KLHL13: variants seen among roughly 807,000 people sequenced by gnomAD.
KLHL13 encodes kelch like family member 13.
In KLHL13, 10 loss-of-function variants were observed where a neutral mutation model predicts 37.1. The ratio of observed to expected loss-of-function variants is 0.27; its 90% CI spans 0.17 to 0.46. The LOEUF (loss-of-function observed/expected upper bound fraction) is 0.46. KLHL13 is among the 20% of genes least tolerant of loss of function. KLHL13 has a pLI of 1.00. For missense variants in KLHL13, 360 were observed against 509.3 expected (o/e 0.71, Z 2.82); for synonymous variants, 163 against 181.2 (o/e 0.90, Z 0.81).
intron 1 of KLHL13, among the ~76,000 whole-genome samples, chrX:118,063,469 C>T (rs187904559): frequency 9.0e-6 from 1 of 111,331 alleles, no homozygotes; most frequent in Non-Finnish European, 1.9e-5. Flanking sequence ...TTCATTTCCC[C>T]TACACTGGGC....
chrX:118,027,309 C>T (rs1229792531), intron 1 of KLHL13, among the ~76,000 whole-genome samples: 1 of 111,041 alleles, frequency 9.0e-6, no homozygotes, highest in African/African-American at 3.3e-5. Context: ...TCTTACAGTA[C>T]TAATTTGGCT....
intron 1 of KLHL13, among the ~76,000 whole-genome samples, chrX:118,035,639 C>A (rs770112490): frequency 2.4e-3 from 270 of 110,589 alleles, no homozygotes; most frequent in Middle Eastern, 4.6e-3. Context: ...CAATATCATA[C>A]TGAATGGGCA....
chrX:118,065,828 G>T (rs2054788562), intron 1 of KLHL13, among the ~76,000 whole-genome samples: 1 of 111,711 alleles, frequency 9.0e-6, no homozygotes, highest in South Asian at 3.7e-4. Context: ...CACAAATACG[G>T]AAGAGTTATA....
rs1257751852 is a variant in KLHL13 at position 117,949,321 on chromosome X, GT to G, written c.99-3747del. ...AAAACTCACTAAATGGACAAATGTGGTTTTTTTTTAATAGCAAGCAACATGA... is the reference window on the plus strand; with the variant it reads ...AAAACTCACTAAATGGACAAATGTGGTTTTTTTTAATAGCAAGCAACATGA... On this transcript the variant is annotated intron_variant, in intron 1 of 6. Transcript: ENST00000262820. 8.4e-3 allele frequency among the ~76,000 whole-genome samples: 930 copies of G among 110,478 alleles called. 16 individuals carry two copies. The highest frequency in any genetic ancestry group is 0.028 in the African/African-American group (861 of 30,415).
At chrX:118,111,388 G>T (rs781686475) in intron 1 of KLHL13, among the ~76,000 whole-genome samples, 2 of 113,019 alleles carry the variant, frequency 1.8e-5, no homozygotes, top group South Asian at 7.2e-4. Context: ...GCCACCACAT[G>T]AGTTTTGGCA....
chrX:118,021,814 C>T (rs139050996), intron 1 of KLHL13, among the ~76,000 whole-genome samples: 5,753 of 111,478 alleles, frequency 0.052, 390 homozygotes, highest in African/African-American at 0.18. Context: ...AATCGCCACA[C>T]TGTCTTCCAC....
intron 2 of KLHL13, among the ~76,000 whole-genome samples, chrX:117,921,091 G>A (rs1931670795): frequency 8.9e-6 from 1 of 111,862 alleles, no homozygotes; most frequent in Admixed American, 9.5e-5. Flanking sequence ...GAGCTCTGGT[G>A]AGAAGAATCC....
intron 1 of KLHL13, among the ~76,000 whole-genome samples, chrX:118,081,940 T>TTG (rs762989393): frequency 0.12 from 11,571 of 97,498 alleles, 597 homozygotes; most frequent in Middle Eastern, 0.17. Context: ...TAGTATTCCA[T>TTG]TGTGTGTGTG....
chrX:117,923,246 A>C (rs1931822030), intron 2 of KLHL13, among the ~76,000 whole-genome samples: 1 of 111,723 alleles, frequency 9.0e-6, no homozygotes, highest in Admixed American at 9.5e-5. Context: ...GGTTCGAAGG[A>C]TATTTATTTT....
chrX:117,930,290 A>AAGGAAGGAAGGAAGGAAGGCAGGC (rs1556301121), intron 2 of KLHL13, among the ~76,000 whole-genome samples: 48 of 77,922 alleles, frequency 6.2e-4, no homozygotes, highest in Non-Finnish European at 8.2e-4. Context: ...GGAAGGAAGG[A>AAGGAAGGAAGGAAGGAAGGCAGGC]AGGCAGGCAG....
At chrX:118,094,193 A>G in intron 1 of KLHL13, among the ~76,000 whole-genome samples, 1 of 111,410 alleles carries the variant, frequency 9.0e-6, no homozygotes, top group East Asian at 2.8e-4. Flanking sequence ...AGAAGTCCTT[A>G]AAGGACCTGA....
chrX:118,104,203 C>G (rs2055321837), intron 1 of KLHL13, among the ~76,000 whole-genome samples: 1 of 110,379 alleles, frequency 9.1e-6, no homozygotes, highest in Admixed American at 9.8e-5. Flanking sequence ...GCCTAGAAAA[C>G]AGAATGAAAC....
chrX:118,068,699 A>G (rs940412521), intron 1 of KLHL13, among the ~76,000 whole-genome samples: 2 of 111,412 alleles, frequency 1.8e-5, no homozygotes, highest in African/African-American at 6.5e-5. Flanking sequence ...CCCCACCCCA[A>G]GTGGCCCACA....
chrX:118,107,000 A>C (rs371728586), intron 1 of KLHL13, among the ~76,000 whole-genome samples: 25 of 112,263 alleles, frequency 2.2e-4, no homozygotes, highest in African/African-American at 7.7e-4. Flanking sequence ...CAATGGCTTA[A>C]CTATTACAAA....
At chrX:118,033,149 C>T (rs920226743) in intron 1 of KLHL13, among the ~76,000 whole-genome samples, 2 of 111,247 alleles carry the variant, frequency 1.8e-5, no homozygotes, top group African/African-American at 6.5e-5. Context: ...GGGAATGGAA[C>T]CAAGTTGGAA....
At chrX:118,038,456 A>G (rs1257083226) in intron 1 of KLHL13, among the ~76,000 whole-genome samples, 1 of 111,251 alleles carries the variant, frequency 9.0e-6, no homozygotes, top group Non-Finnish European at 1.9e-5. Flanking sequence ...ATCCCCTGGC[A>G]GTGGCCACAT....
intron 1 of KLHL13, among the ~76,000 whole-genome samples, chrX:117,968,873 C>T (rs1475767778): frequency 9.0e-6 from 1 of 111,380 alleles, no homozygotes; most frequent in African/African-American, 3.3e-5. Context: ...TGCTGTGAAT[C>T]ACCTACAAAC....
chrX:118,077,300 G>A, intron 1 of KLHL13, among the ~76,000 whole-genome samples: 1 of 110,847 alleles, frequency 9.0e-6, no homozygotes, highest in East Asian at 2.9e-4. Context: ...AGTATGCAGT[G>A]GGAATCTACA....
At chrX:117,960,138 G>A (rs1242584072) in intron 1 of KLHL13, among the ~76,000 whole-genome samples, 3 of 110,992 alleles carry the variant, frequency 2.7e-5, no homozygotes, top group Non-Finnish European at 3.8e-5. Flanking sequence ...AGCACTTTGC[G>A]GGGCACAGGT....
Sources: allele counts gnomAD v4.1 joint callset (sites outside exome capture counted in the v4.1 genomes callset), GRCh38; gene constraint gnomAD v4.1.1; transcripts MANE v1.5; gene names NCBI Gene and HGNC (gene_info 2026-07-23, HGNC 2026-07-21).